The following MCPH1 variants were observed in gnomAD, a reference collection of about 807,000 sequenced individuals.
MCPH1 encodes microcephalin 1, also known as microcephalin.
A neutral mutation model predicts 84.5 loss-of-function variants in MCPH1; 104 were observed. That is an observed-to-expected ratio of 1.23 (90% CI 1.05 to 1.45). The LOEUF is 1.45. Among genes scored for constraint, MCPH1 ranks in the 40% most tolerant of loss-of-function variants. The probability of loss-of-function intolerance (pLI) is 0.00; values close to 1 mark genes in which losing one functional copy is unlikely to be tolerated. For synonymous variants in MCPH1, 514 were observed against 366.8 expected, an observed-to-expected ratio of 1.40 and a Z score of -4.58; for missense variants, 1,498 against 1,005.7, an observed-to-expected ratio of 1.49 and a Z score of -6.62.
chr8:6,514,857 A>T, intron 12 of MCPH1: 2 of 1,251,120 alleles, frequency 1.6e-6, no homozygotes, highest in Non-Finnish European at 2.3e-6. Context: ...AGGAATGTAG[A>T]CCCTGAGTGC....
chr8:6,576,071 A>G (rs1367047874), intron 12 of MCPH1, among the ~76,000 whole-genome samples: 1 of 150,496 alleles, frequency 6.6e-6, no homozygotes, highest in Non-Finnish European at 1.5e-5. Context: ...AAAAAAAAGT[A>G]ATAGGAAAGG....
rs752831889 is a variant in MCPH1, at chr8:6,455,036, C to A, written c.1826-107C>A. ...AGATATATACAATTTATTTAAAAGG[C>A]CTATAACTTCCTGTTTCCATTATGC... On this transcript the variant is annotated intron_variant, in intron 8 of 13. Coordinates refer to ENST00000344683, the MANE Select transcript of MCPH1 (RefSeq NM_024596.5). The A allele has an allele frequency of 7.3e-6, 6 of 824,348 alleles. No homozygotes were observed. In the East Asian group the frequency reaches 9.7e-5, roughly 13 times the overall value. The allele number at this position is 824,348 out of a possible 1,614,324, so 51.1% of individuals were successfully genotyped here.
intron 3 of MCPH1, among the ~76,000 whole-genome samples, chr8:6,423,221 G>A (rs1237447263): frequency 1.2e-4 from 15 of 121,138 alleles, no homozygotes; most frequent in Non-Finnish European, 8.1e-5. Flanking sequence ...ACTGAGTCTC[G>A]CTCTGTCGCC....
intron 9 of MCPH1, among the ~76,000 whole-genome samples, chr8:6,469,212 T>G (rs1300288255): frequency 6.6e-6 from 1 of 152,076 alleles, no homozygotes; most frequent in Admixed American, 6.5e-5. Context: ...AAGATTTTAG[T>G]CTCAATTTTC....
In MCPH1 at chr8:6,609,548, A is replaced by T. The variant is rs199645260; in HGVS notation, c.2215-11906A>T. On this transcript the variant is annotated intron_variant, in intron 12 of 13. Coordinates refer to ENST00000344683, the MANE Select transcript of MCPH1 (RefSeq NM_024596.5). ...CAGTTGTCTGAATCGCCTTCAGCGA[A>T]AGTCAGGGGGAAAAAATACATTCCG... Among the ~76,000 whole-genome samples, 3 of 152,360 alleles carry T rather than the reference A, an allele frequency of 2.0e-5. No individual in the cohort carries two copies. In the East Asian group the frequency reaches 5.8e-4, roughly 29 times the overall value.
intron 12 of MCPH1, among the ~76,000 whole-genome samples, chr8:6,545,146 T>C (rs1344685955): frequency 6.6e-6 from 1 of 150,970 alleles, no homozygotes; most frequent in African/African-American, 2.4e-5. Context: ...TTACTAAAGG[T>C]GATAGAAGTC....
chr8:6,614,950 G>A (rs562326435), intron 12 of MCPH1, among the ~76,000 whole-genome samples: 37 of 150,568 alleles, frequency 2.5e-4, no homozygotes, highest in African/African-American at 7.3e-4. Flanking sequence ...TGTCCTCCAC[G>A]TTGTCTGCAT....
chr8:6,597,199 G>A (rs1210871635), intron 12 of MCPH1, among the ~76,000 whole-genome samples: 1 of 152,202 alleles, frequency 6.6e-6, no homozygotes, highest in Non-Finnish European at 1.5e-5. Context: ...GCAAATGGAT[G>A]AGCCTCAGTC....
chr8:6,568,454 C>G (rs546139317), intron 12 of MCPH1, among the ~76,000 whole-genome samples: 8 of 152,306 alleles, frequency 5.3e-5, no homozygotes, highest in African/African-American at 1.7e-4. Context: ...GGTTGCCAAA[C>G]AGAATTTGCT....
intron 8 of MCPH1, among the ~76,000 whole-genome samples, chr8:6,449,839 A>T (rs752042774): frequency 6.6e-6 from 1 of 152,140 alleles, no homozygotes; most frequent in Non-Finnish European, 1.5e-5. Flanking sequence ...AGCACTGCCA[A>T]TCACAGCTCT....
intron 12 of MCPH1, among the ~76,000 whole-genome samples, chr8:6,538,837 A>G (rs11775442): frequency 0.2 from 30,091 of 152,238 alleles, 3,043 homozygotes; most frequent in African/African-American, 0.26. Flanking sequence ...ACAACAAGCA[A>G]AACATCCACT....
chr8:6,422,946 C>T (rs1251761809), intron 3 of MCPH1, among the ~76,000 whole-genome samples: 1 of 151,554 alleles, frequency 6.6e-6, no homozygotes, highest in Non-Finnish European at 1.5e-5. Flanking sequence ...CCTCGGTCTC[C>T]CAAAGTGCTA....
At chr8:6,443,647 G>A (rs1447655509) in intron 7 of MCPH1, among the ~76,000 whole-genome samples, 2 of 152,204 alleles carry the variant, frequency 1.3e-5, no homozygotes, top group African/African-American at 4.8e-5. Context: ...ACGTAACCAT[G>A]GGGCAGTATG....
intron 11 of MCPH1, among the ~76,000 whole-genome samples, chr8:6,498,641 G>C (rs1328003303): frequency 3.9e-5 from 6 of 152,142 alleles, no homozygotes; most frequent in Non-Finnish European, 2.9e-5. Flanking sequence ...TTTAAGGCTG[G>C]TTCATGGCTT....
intron 12 of MCPH1, among the ~76,000 whole-genome samples, chr8:6,595,965 G>A (rs1361607691): frequency 6.6e-6 from 1 of 152,174 alleles, no homozygotes; most frequent in African/African-American, 2.4e-5. Flanking sequence ...GTCAGATGAA[G>A]AATTTAAGAA....
intron 13 of MCPH1, chr8:6,627,225 T>G: frequency 1.0e-6 from 1 of 985,368 alleles, no homozygotes; most frequent in Non-Finnish European, 1.2e-6. Flanking sequence ...TCAGTAGATA[T>G]GTGAGGCTTG....
At chr8:6,485,051 G>T (rs1201463919) in intron 11 of MCPH1, among the ~76,000 whole-genome samples, 1 of 152,194 alleles carries the variant, frequency 6.6e-6, no homozygotes, top group Non-Finnish European at 1.5e-5. Context: ...TCTAGGCGGG[G>T]TGCAGTGGCT....
chr8:6,606,930 G>T (rs985646589), intron 12 of MCPH1, among the ~76,000 whole-genome samples: 3 of 152,244 alleles, frequency 2.0e-5, no homozygotes, highest in South Asian at 2.1e-4. Context: ...TGAGTGTGAG[G>T]CCTCCCCAGC....
chr8:6,562,976 G>A (rs373898279), intron 12 of MCPH1: 3 of 1,545,386 alleles, frequency 1.9e-6, no homozygotes, highest in South Asian at 2.5e-5. Context: ...AAACTTGAGG[G>A]CAAACACACG....
Sources: allele counts gnomAD v4.1 joint callset (sites outside exome capture counted in the v4.1 genomes callset), GRCh38; gene constraint gnomAD v4.1.1; transcripts MANE v1.5; gene names NCBI Gene and HGNC (gene_info 2026-07-23, HGNC 2026-07-21).